The following SPTBN1 variants were observed in gnomAD, a reference collection of about 807,000 sequenced individuals.
The protein encoded by SPTBN1 is spectrin beta, non-erythrocytic 1.
In SPTBN1, 32 loss-of-function variants were observed where a neutral mutation model predicts 266.4. That is an observed-to-expected ratio of 0.12 (90% CI 0.09 to 0.16). The LOEUF is 0.16. Ranked by LOEUF, SPTBN1 falls within the 10% of genes least tolerant of loss-of-function variation. The pLI is 1.00. For synonymous variants in SPTBN1, 1,336 were observed against 1,162.2 expected (o/e 1.15, Z -3.04); for missense variants, 2,296 against 3,067.1 (o/e 0.75, Z 5.94).
At chr2:54,514,855 A>G (rs1180063413) in intron 1 of SPTBN1, among the ~76,000 whole-genome samples, 1 of 152,156 alleles carries the variant, frequency 6.6e-6, no homozygotes, top group East Asian at 1.9e-4. Flanking sequence ...AGGCCAAACT[A>G]ACTTTGAGAG....
rs759820419 is a variant in SPTBN1 at position 54,604,526 on chromosome 2, C to G, written c.300+5283C>G. Among the ~76,000 whole-genome samples, 326 of 152,286 alleles carry G rather than the reference C, an allele frequency of 2.1e-3. 3 individuals carry two copies. Among genetic ancestry groups the G allele is most frequent in the Non-Finnish European group, 2.8e-3 (192 of 68,016 alleles). ...GTGCCCCAGGAGGGATCACCCAGCC[C>G]CCTCCTTCCTCTCTAAGGGTTTTTG... is the stretch of plus-strand genomic sequence containing the variant. On this transcript the variant is annotated intron_variant, in intron 3 of 35. Transcript: ENST00000356805.
chr2:54,506,942 G>A (rs1669599438), intron 1 of SPTBN1, among the ~76,000 whole-genome samples: 1 of 143,018 alleles, frequency 7.0e-6, no homozygotes, highest in Non-Finnish European at 1.5e-5. Context: ...CCTGGGTGCA[G>A]GCAGGCTGAG....
At chr2:54,586,548 G>T (rs1675309927) in intron 2 of SPTBN1, among the ~76,000 whole-genome samples, 1 of 152,126 alleles carries the variant, frequency 6.6e-6, no homozygotes, top group Admixed American at 6.5e-5. Flanking sequence ...TGATTTGGAG[G>T]ACTTCTGTAT....
intron 2 of SPTBN1, among the ~76,000 whole-genome samples, chr2:54,569,976 C>G (rs74884762): frequency 4.1e-5 from 6 of 148,132 alleles, no homozygotes; most frequent in African/African-American, 1.2e-4. Context: ...ACCATTCCCC[C>G]CCCCCTTTAG....
In SPTBN1 at chr2:54,635,485, A is replaced by G. The variant is rs530075109; in HGVS notation, c.3768-2228A>G. 3.3e-5 allele frequency among the ~76,000 whole-genome samples: 5 copies of G among 152,322 alleles called. No homozygotes were observed. In the East Asian group the frequency reaches 7.7e-4, roughly 23 times the overall value. On this transcript the variant is annotated intron_variant, in intron 17 of 35. Coordinates refer to ENST00000356805, the MANE Select transcript of SPTBN1 (RefSeq NM_003128.3). ...TTCTTCCCATCTTGATGGTCCCACT[A>G]TAGGAGAAAGGCTGCCTGGGCCGGT...
chr2:54,610,965 T>G (rs1291393845), intron 3 of SPTBN1, among the ~76,000 whole-genome samples: 2 of 152,232 alleles, frequency 1.3e-5, no homozygotes, highest in East Asian at 3.8e-4. Context: ...AAGTAGGCAC[T>G]CAACAATACT....
At chr2:54,492,180 C>T (rs536107590) in intron 1 of SPTBN1, among the ~76,000 whole-genome samples, 7 of 152,136 alleles carry the variant, frequency 4.6e-5, no homozygotes, top group South Asian at 2.1e-4. Flanking sequence ...TTACGGTTTG[C>T]GCTCACATAT....
At chr2:54,541,960 TGATCTA>T (rs1226395365) in intron 2 of SPTBN1, among the ~76,000 whole-genome samples, 6 of 152,252 alleles carry the variant, frequency 3.9e-5, no homozygotes, top group Non-Finnish European at 7.3e-5. Context: ...ATGCTAGCAT[TGATCTA>T]TTAATTCAAT....
chr2:54,559,590 C>A (rs1330319551), intron 2 of SPTBN1, among the ~76,000 whole-genome samples: 1 of 152,126 alleles, frequency 6.6e-6, no homozygotes, highest in Non-Finnish European at 1.5e-5. Flanking sequence ...AGAGCAGAAG[C>A]CTGTGTGTGC....
At chr2:54,539,027 C>T (rs1438984250) in intron 2 of SPTBN1, among the ~76,000 whole-genome samples, 1 of 152,198 alleles carries the variant, frequency 6.6e-6, no homozygotes, top group Non-Finnish European at 1.5e-5. Context: ...GTAACCTTTC[C>T]TCTTCAAGAA....
chr2:54,617,842 T>A (rs1225197707), intron 6 of SPTBN1, among the ~76,000 whole-genome samples, 154 bp downstream of exon 6: 1 of 152,224 alleles, frequency 6.6e-6, no homozygotes, highest in African/African-American at 2.4e-5. Context: ...GGAGAATATA[T>A]AAATTCTTCC....
rs1679825822 is a variant in SPTBN1 at position 54,645,013 on chromosome 2, C to T, written c.4270-216C>T. 1.8e-6 allele frequency: 1 copy of T among 569,120 alleles called. No individual in the cohort carries two copies. The highest frequency in any genetic ancestry group is 1.9e-5 in the African/African-American group (1 of 53,400). 35.3% of individuals were successfully genotyped at this position (569,120 alleles called of 1,614,324 possible). A position where few individuals can be genotyped will look rare whatever the true frequency, so the allele number is the denominator to read the frequency against. Reference sequence around the variant, plus strand: ...ATAAAAATAACTGTTTATATTATATCACCGTAGAGGGCTTTAAGGGCAAAT... The same window carrying T: ...ATAAAAATAACTGTTTATATTATATTACCGTAGAGGGCTTTAAGGGCAAAT... On this transcript the variant is annotated intron_variant, in intron 20 of 35. Coordinates refer to ENST00000356805, the MANE Select transcript of SPTBN1 (RefSeq NM_003128.3). The surrounding 1 kb of genome is among the most constrained non-coding windows in gnomAD (Gnocchi z 4.3).
intron 17 of SPTBN1, among the ~76,000 whole-genome samples, chr2:54,634,721 G>A (rs557872672): frequency 2.0e-5 from 3 of 152,282 alleles, no homozygotes; most frequent in South Asian, 4.1e-4. Context: ...CTGACACTGT[G>A]GTGAAGCGAT....
chr2:54,468,126 G>T (rs1693731312), intron 1 of SPTBN1, among the ~76,000 whole-genome samples: 1 of 152,006 alleles, frequency 6.6e-6, no homozygotes, highest in Admixed American at 6.6e-5. Flanking sequence ...GGCCAACATA[G>T]TGAAACTTTG....
At chr2:54,471,829 A>G (rs1365858060) in intron 1 of SPTBN1, among the ~76,000 whole-genome samples, 4 of 61,136 alleles carry the variant, frequency 6.5e-5, no homozygotes, top group East Asian at 7.3e-4. Context: ...TGCTGTTCCA[A>G]CTGTCTTAAA....
chr2:54,484,225 T>G (rs186063356), intron 1 of SPTBN1, among the ~76,000 whole-genome samples: 2 of 152,282 alleles, frequency 1.3e-5, no homozygotes, highest in Admixed American at 6.5e-5. Flanking sequence ...TGGCAAGTGA[T>G]AACTGCACGG....
chr2:54,528,457 T>C (rs1156419189), intron 2 of SPTBN1: 1 of 152,606 alleles, frequency 6.6e-6, no homozygotes, highest in Admixed American at 6.5e-5. Flanking sequence ...ACTGTAGTCA[T>C]AATAATAGCA....
Position 54,649,846 on chromosome 2 carries a change from C to T in SPTBN1, c.5434C>T (p.His1812Tyr), listed in dbSNP as rs750058318. ...TTCCTATGAACTGCACAAGTTTTAC[C>T]ACGATGCCAAGGAGATCTTTGGGCG... The part of the protein sequence containing the change: ...AASYELHKFY[H>Y]DAKEIFGRIQ... Residue 1812 changes from histidine to tyrosine, a missense_variant, in exon 26 of 36, where the codon CAC (histidine) becomes TAC (tyrosine). Physicochemically the swap from His to Tyr is moderately conservative, Grantham distance 83. Around this residue, in one of 12 missense-constraint regions of SPTBN1, gnomAD observed 644 missense variants for 745.3 expected, o/e 0.86. Transcript: ENST00000356805. The surrounding 1 kb of genome is among the most constrained non-coding windows in gnomAD (Gnocchi z 6.7). 6.2e-7 allele frequency: 1 copy of T among 1,614,124 alleles called. No homozygotes were observed. The highest frequency in any genetic ancestry group is 8.5e-7 in the Non-Finnish European group (1 of 1,180,024).
At chr2:54,634,155 C>T (rs1320451718) in intron 17 of SPTBN1, among the ~76,000 whole-genome samples, 1 of 152,176 alleles carries the variant, frequency 6.6e-6, no homozygotes, top group East Asian at 1.9e-4. Context: ...CAGCTGGTTT[C>T]CTGCAGGCGG....
Sources: gnomAD v4.1 joint callset for allele counts (sites outside exome capture counted in the v4.1 genomes callset) on GRCh38, gnomAD v4.1.1 for gene constraint, gnomAD v4.1.1 regional missense constraint, Gnocchi (gnomAD v3.1) non-coding constraint, MANE v1.5 for transcripts, NCBI Gene and HGNC (gene_info 2026-07-23, HGNC 2026-07-21) for gene names.